The following FSTL4 variants were observed in gnomAD, a reference collection of about 807,000 sequenced individuals.
FSTL4 encodes the protein follistatin like 4, also known as follistatin-related protein 4.
FSTL4 carries 28 observed loss-of-function variants against 78.2 expected under a neutral mutation model. The observed-to-expected ratio is 0.36, with a 90% CI of 0.27 to 0.49. The LOEUF is 0.49. Among genes scored for constraint, FSTL4 ranks in the 20% least tolerant of loss-of-function variants. FSTL4 has a pLI of 0.98. For missense variants in FSTL4, 922 were observed against 1,084.9 expected (o/e 0.85, Z 2.11); for synonymous variants, 422 against 440.5 (o/e 0.96, Z 0.53).
At position 133,611,231 on chromosome 5, in the gene FSTL4, T is replaced by A. The variant is rs888251452; in HGVS notation, c.-11+1094A>T. On this transcript the variant is annotated intron_variant, in intron 1 of 15. Transcript: ENST00000265342. The surrounding 1 kb of genome is among the most constrained non-coding windows in gnomAD (Gnocchi z 4.9). Reference sequence around the variant, plus strand: ...ACCGACCTCGCCGGGCCCGCCCCGCTGACCCGCGCACTCCTAGTGCACTTG... The same window carrying A: ...ACCGACCTCGCCGGGCCCGCCCCGCAGACCCGCGCACTCCTAGTGCACTTG... Among the ~76,000 whole-genome samples the A allele has an allele frequency of 6.6e-6, 1 of 152,072 alleles. No individual in the cohort carries two copies. The highest frequency in any genetic ancestry group is 1.5e-5 in the Non-Finnish European group (1 of 67,984).
intron 3 of FSTL4, among the ~76,000 whole-genome samples, chr5:133,521,388 C>G (rs1488892491): frequency 6.6e-6 from 1 of 152,180 alleles, no homozygotes; most frequent in Non-Finnish European, 1.5e-5. Flanking sequence ...GTTACAGATC[C>G]TTTTCTCCTG....
chr5:133,246,857 G>A (rs565849268), intron 7 of FSTL4: 51 of 152,296 alleles, frequency 3.3e-4, no homozygotes, highest in African/African-American at 9.9e-4. Context: ...AACACCATAC[G>A]TGAAGAGCCT....
intron 13 of FSTL4, 56 bp from the exon 14 acceptor site, chr5:133,210,354 G>T: frequency 9.6e-7 from 1 of 1,039,878 alleles, no homozygotes; most frequent in Non-Finnish European, 1.5e-6. Context: ...ATTTCTGGGC[G>T]TTGTATGCAT....
At chr5:133,379,241 A>G (rs572377191) in intron 4 of FSTL4, among the ~76,000 whole-genome samples, 17 of 152,296 alleles carry the variant, frequency 1.1e-4, no homozygotes, top group African/African-American at 4.1e-4. Flanking sequence ...ACATCTAACA[A>G]GAAACCCCAA....
At chr5:133,657,731 G>T in the FSTL4 span, among the ~76,000 whole-genome samples, 1 of 146,586 alleles carries the variant, frequency 6.8e-6, no homozygotes, top group African/African-American at 2.5e-5. Flanking sequence ...AGATCTATTT[G>T]CATTACTAAA....
chr5:133,614,370 A>G (rs1178968034), upstream of FSTL4, among the ~76,000 whole-genome samples: 4 of 152,242 alleles, frequency 2.6e-5, no homozygotes, highest in African/African-American at 9.6e-5. Flanking sequence ...CTTCCCAAAG[A>G]AGGAGAAGAA....
chr5:133,621,303 G>T, the FSTL4 span, among the ~76,000 whole-genome samples: 1 of 152,224 alleles, frequency 6.6e-6, no homozygotes, highest in African/African-American at 2.4e-5. Flanking sequence ...GGGAGGCTGA[G>T]GCAGGAGAAT....
At chr5:133,646,815 G>C in the FSTL4 span, among the ~76,000 whole-genome samples, 1 of 152,092 alleles carries the variant, frequency 6.6e-6, no homozygotes. Flanking sequence ...GAAGACCCAA[G>C]AGAACGACAT....
At chr5:133,331,765 A>G (rs959264241) in intron 4 of FSTL4, among the ~76,000 whole-genome samples, 1 of 152,164 alleles carries the variant, frequency 6.6e-6, no homozygotes, top group Non-Finnish European at 1.5e-5. Context: ...AAAACTCCAC[A>G]ACTCTGAAAG....
chr5:133,643,554 A>T, the FSTL4 span, among the ~76,000 whole-genome samples: 1 of 151,940 alleles, frequency 6.6e-6, no homozygotes, highest in African/African-American at 2.4e-5. Flanking sequence ...AATCCCTAAT[A>T]TTAGCGGGTT....
At chr5:133,560,281 G>A (rs1759884520) in intron 3 of FSTL4, among the ~76,000 whole-genome samples, 1 of 152,228 alleles carries the variant, frequency 6.6e-6, no homozygotes, top group Admixed American at 6.5e-5. Context: ...CCTGGAGAGA[G>A]CTGAGCTCAG....
the FSTL4 span, among the ~76,000 whole-genome samples, chr5:133,723,793 C>A: frequency 6.6e-6 from 1 of 152,272 alleles, no homozygotes; most frequent in African/African-American, 2.4e-5. Flanking sequence ...ACTGGGGAAC[C>A]CAACTACTCC....
At chr5:133,640,211 C>A in the FSTL4 span, among the ~76,000 whole-genome samples, 7 of 152,208 alleles carry the variant, frequency 4.6e-5, no homozygotes, top group Middle Eastern at 6.3e-3. Flanking sequence ...AGCAAGATGG[C>A]ATCTCCTCAT....
the FSTL4 span, among the ~76,000 whole-genome samples, chr5:133,825,711 G>T: frequency 6.6e-6 from 1 of 152,214 alleles, no homozygotes; most frequent in African/African-American, 2.4e-5. Flanking sequence ...AGTGCCCTCG[G>T]TCTGGACTGG....
chr5:133,482,995 C>T (rs1758060759), intron 3 of FSTL4, among the ~76,000 whole-genome samples: 1 of 152,214 alleles, frequency 6.6e-6, no homozygotes, highest in South Asian at 2.1e-4. Flanking sequence ...CAAATCTCAT[C>T]TTGAATTGTA....
chr5:133,837,890 T>G, the FSTL4 span, among the ~76,000 whole-genome samples: 11 of 151,360 alleles, frequency 7.3e-5, no homozygotes, highest in Admixed American at 2.0e-4. Flanking sequence ...TTTTATTTTA[T>G]ATATATATAT....
In FSTL4 at chr5:133,604,011, A is replaced by T; in HGVS notation, c.-10-18T>A. 1 of 1,579,476 alleles carries T rather than the reference A, an allele frequency of 6.3e-7. No individual in the cohort carries two copies. The highest frequency in any genetic ancestry group is 8.7e-7 in the Non-Finnish European group (1 of 1,148,788). ...TGATGAGTCTGTTGAAGAAATGACA[A>T]ATGCTGAGAATAAAACATTATGAGA... On this transcript the variant is annotated intron_variant, in intron 1 of 15. Transcript: ENST00000265342.
intron 6 of FSTL4, among the ~76,000 whole-genome samples, chr5:133,250,067 C>T (rs1055859025): frequency 1.3e-5 from 2 of 152,234 alleles, no homozygotes; most frequent in Non-Finnish European, 2.9e-5. Context: ...AATGAACTGG[C>T]TGATCTTTGA....
At chr5:133,305,948 C>A (rs979780512) in intron 6 of FSTL4, among the ~76,000 whole-genome samples, 1 of 152,184 alleles carries the variant, frequency 6.6e-6, no homozygotes, top group African/African-American at 2.4e-5. Flanking sequence ...TTTCAGAGAG[C>A]CTCAGCCTAC....
Sources: allele counts gnomAD v4.1 joint callset (sites outside exome capture counted in the v4.1 genomes callset), GRCh38; gene constraint gnomAD v4.1.1; non-coding constraint Gnocchi (gnomAD v3.1); transcripts MANE v1.5; gene names NCBI Gene and HGNC (gene_info 2026-07-23, HGNC 2026-07-21).